PPP1R21: variants seen among roughly 807,000 people sequenced by gnomAD.
PPP1R21 encodes KLRAQ motif containing 1.
Under a neutral mutation model 112.8 loss-of-function variants are expected in PPP1R21, and 85 were observed. That is an observed-to-expected ratio of 0.75 (90% CI 0.63 to 0.90). The LOEUF (loss-of-function observed/expected upper bound fraction) is 0.90. PPP1R21 is among the 40% of genes least tolerant of loss of function. The probability of loss-of-function intolerance (pLI) is 0.00; values close to 1 mark genes in which losing one functional copy is unlikely to be tolerated. For synonymous variants in PPP1R21, 381 were observed against 322.3 expected, an observed-to-expected ratio of 1.18 and a Z score of -1.95; for missense variants, 1,199 against 901.5, an observed-to-expected ratio of 1.33 and a Z score of -4.23.
At chr2:48,447,561 C>A (rs979658428) in intron 1 of PPP1R21, among the ~76,000 whole-genome samples, 1 of 152,106 alleles carries the variant, frequency 6.6e-6, no homozygotes, top group Admixed American at 6.5e-5. Flanking sequence ...CAGTAGTGAC[C>A]ATCCGGTAAT....
rs756561879 is a variant in PPP1R21, at chr2:48,458,274, T to G, written c.375+47T>G. On this transcript the variant is annotated intron_variant, in intron 4 of 21. Transcript: ENST00000294952. ...TGTGAATTAAAAAATGGGTCTGTGA[T>G]CTGTTAATGTGGAAAAGCTAATGCA... 11 of 1,281,030 alleles carry G rather than the reference T, an allele frequency of 8.6e-6. No individual in the cohort carries two copies. The South Asian group carries it at 1.3e-4, about 15-fold the overall frequency. 79.4% of individuals were successfully genotyped at this position (1,281,030 alleles called of 1,614,324 possible). A position where few individuals can be genotyped will look rare whatever the true frequency, so the allele number is the denominator to read the frequency against.
chr2:48,514,134 C>T (rs1421772015), intron 21 of PPP1R21, among the ~76,000 whole-genome samples: 2 of 120,978 alleles, frequency 1.7e-5, no homozygotes, highest in African/African-American at 6.7e-5. Flanking sequence ...CGGGTTCATG[C>T]CATTCTCCCG....
In PPP1R21 at chr2:48,446,895, C is replaced by T. The variant is rs1044841585; in HGVS notation, c.58-4113C>T. 2.0e-5 allele frequency among the ~76,000 whole-genome samples: 3 copies of T among 152,008 alleles called. No individual in the cohort carries two copies. In the East Asian group the frequency reaches 5.8e-4, roughly 29 times the overall value. On this transcript the variant is annotated intron_variant, in intron 1 of 21. Coordinates refer to ENST00000294952, the MANE Select transcript of PPP1R21 (RefSeq NM_001135629.3). ...CCTCCTGAGTAGCTGGGATTACATG[C>T]GCCTGCCACCATGCCCGGCTAATTT...
intron 17 of PPP1R21, among the ~76,000 whole-genome samples, chr2:48,500,317 G>A (rs1385512190): frequency 6.6e-6 from 1 of 151,912 alleles, no homozygotes; most frequent in Admixed American, 6.6e-5. Flanking sequence ...AAATATATCT[G>A]CACAGATCAA....
At chr2:48,460,000 T>C in intron 5 of PPP1R21, 82 bp downstream of exon 5, 4 of 1,593,098 alleles carry the variant, frequency 2.5e-6, no homozygotes, top group Non-Finnish European at 3.4e-6. Context: ...GAGTTAGTCA[T>C]TTCTGGTGAG....
chr2:48,461,129 T>C lies in PPP1R21; in HGVS notation c.600-9T>C. ...ATAATGTGGTTTTGTATTTTTTTTTTTTTTGCAGTCAATTACAGTTAAAGA... is the reference window on the plus strand; with the variant it reads ...ATAATGTGGTTTTGTATTTTTTTTTCTTTTGCAGTCAATTACAGTTAAAGA... On this transcript the variant is annotated splice_polypyrimidine_tract_variant and intron_variant, in intron 6 of 21. Coordinates refer to ENST00000294952, the MANE Select transcript of PPP1R21 (RefSeq NM_001135629.3). The C allele has an allele frequency of 6.4e-7, 1 of 1,574,280 alleles. No homozygotes were observed. The highest frequency in any genetic ancestry group is 1.2e-5 in the South Asian group (1 of 82,628).
At chr2:48,480,094 C>T (rs1242796327) in intron 13 of PPP1R21, 78 bp downstream of exon 13, 1 of 984,430 alleles carries the variant, frequency 1.0e-6, no homozygotes, top group East Asian at 2.4e-5. Flanking sequence ...TTTAAACAAA[C>T]ACTGCCAAGG....
rs746067315 is a variant in PPP1R21, at chr2:48,479,986, G to A, written c.1288G>A (p.Ala430Thr). The A allele has an allele frequency of 1.9e-6, 3 of 1,612,780 alleles. No individual in the cohort carries two copies. The highest frequency in any genetic ancestry group is 2.5e-6 in the Non-Finnish European group (3 of 1,178,760). The change falls in exon 13 of 22, where the codon GCT (alanine) becomes ACT (threonine). Residue 430 changes from alanine to threonine, a missense_variant. By Grantham distance (58) the Ala-to-Thr change is moderately conservative. Coordinates refer to ENST00000294952, the MANE Select transcript of PPP1R21 (RefSeq NM_001135629.3). ...TTCTGTGTTAACAAATGTTGGTGCT[G>A]CTCTGCATGGATTTCATGACGTTAT... is the stretch of plus-strand genomic sequence containing the variant. ...YSSVLTNVGA[A>T]LHGFHDVMKD...
intron 9 of PPP1R21, among the ~76,000 whole-genome samples, chr2:48,467,644 C>T (rs924050950): frequency 7.9e-5 from 12 of 152,340 alleles, no homozygotes; most frequent in Middle Eastern, 3.4e-3. Context: ...GCTAACATTT[C>T]TCATAGTGAG....
rs146803105 is a variant in PPP1R21, at chr2:48,479,822, A to G, written c.1226-102A>G. On this transcript the variant is annotated intron_variant, in intron 12 of 21. Coordinates refer to ENST00000294952, the MANE Select transcript of PPP1R21 (RefSeq NM_001135629.3). ...TTTTAAGAGGCATTATTTCTAGCAC[A>G]TTACAACCAATCTTCATTCTCTATC... 402 of 784,212 alleles carry G rather than the reference A, an allele frequency of 5.1e-4. No individual in the cohort carries two copies. The African/African-American group carries it at 6.2e-3, about 12-fold the overall frequency. 48.6% of individuals were successfully genotyped at this position (784,212 alleles called of 1,614,324 possible). A position where few individuals can be genotyped will look rare whatever the true frequency, so the allele number is the denominator to read the frequency against.
chr2:48,484,513 ACTT>A (rs775001360), intron 13 of PPP1R21, among the ~76,000 whole-genome samples: 2 of 114,590 alleles, frequency 1.7e-5, no homozygotes, highest in African/African-American at 7.0e-5. Flanking sequence ...TAAAGAATAA[ACTT>A]TTTTTTTTTT....
At chr2:48,460,799 G>C (rs933003257) in intron 6 of PPP1R21, among the ~76,000 whole-genome samples, 1 of 152,226 alleles carries the variant, frequency 6.6e-6, no homozygotes, top group African/African-American at 2.4e-5. Flanking sequence ...GAATACTTAT[G>C]TGTTGTAACG....
intron 18 of PPP1R21, among the ~76,000 whole-genome samples, chr2:48,506,533 A>G (rs140689701): frequency 6.6e-6 from 1 of 152,386 alleles, no homozygotes; most frequent in African/African-American, 2.4e-5. Flanking sequence ...ATAGATAATC[A>G]TGAACTTCTG....
chr2:48,496,590 C>T (rs139126536), intron 16 of PPP1R21, among the ~76,000 whole-genome samples: 303 of 152,162 alleles, frequency 2.0e-3, no homozygotes, highest in African/African-American at 6.8e-3. Context: ...GCCTCAGCCT[C>T]CAGAGTCGCT....
chr2:48,479,573 G>C, intron 12 of PPP1R21: 1 of 497,054 alleles, frequency 2.0e-6, no homozygotes, highest in Non-Finnish European at 4.1e-6. Context: ...GTGTTTTAGC[G>C]ATGTTCAGCA....
chr2:48,465,645 A>G lies in PPP1R21; in HGVS notation c.897+3A>G, dbSNP rs1668168250. On this transcript the variant is annotated splice_donor_region_variant and intron_variant, in intron 9 of 21. Transcript: ENST00000294952. ...CTATATCTCCATTGAATCAGAAGGT[A>G]AATTTAATTCAGGATACATTTTGTT... The G allele has an allele frequency of 6.2e-7, 1 of 1,608,270 alleles. No homozygotes were observed. Among genetic ancestry groups the G allele is most frequent in the Non-Finnish European group, 8.5e-7 (1 of 1,178,430 alleles).
intron 12 of PPP1R21, among the ~76,000 whole-genome samples, chr2:48,476,910 A>G (rs1668782926): frequency 6.6e-6 from 1 of 151,912 alleles, no homozygotes; most frequent in Non-Finnish European, 1.5e-5. Context: ...AACTTTCTTG[A>G]TAGTGTCCTT....
chr2:48,484,384 G>A (rs12477901), intron 13 of PPP1R21, among the ~76,000 whole-genome samples: 145,264 of 152,314 alleles, frequency 0.95, 69,572 homozygotes, highest in Middle Eastern at 0.99. Context: ...TGGTAGACTC[G>A]TGGGAAACAT....
chr2:48,482,259 A>T (rs1669047733), intron 13 of PPP1R21, among the ~76,000 whole-genome samples: 1 of 152,268 alleles, frequency 6.6e-6, no homozygotes, highest in Admixed American at 6.5e-5. Flanking sequence ...AGTCACCTCC[A>T]AATGTTAAAG....
Sources: gnomAD v4.1 joint callset for allele counts (sites outside exome capture counted in the v4.1 genomes callset) on GRCh38, gnomAD v4.1.1 for gene constraint, MANE v1.5 for transcripts, NCBI Gene and HGNC (gene_info 2026-07-23, HGNC 2026-07-21) for gene names.